Variants in RIF1 observed in about 807,000 individuals in gnomAD.
RIF1 encodes replication timing regulatory factor 1.
A neutral mutation model predicts 247.1 loss-of-function variants in RIF1; 45 were observed. The observed-to-expected ratio is 0.18, with a 90% CI of 0.14 to 0.23. The LOEUF (loss-of-function observed/expected upper bound fraction) is 0.23, where lower values mean the gene tolerates loss of function less well. Among genes scored for constraint, RIF1 ranks in the 10% least tolerant of loss-of-function variants. RIF1 has a pLI of 1.00. For missense variants in RIF1, 2,967 were observed against 2,862.5 expected (o/e 1.04, Z -0.83); for synonymous variants, 1,087 against 978.8 (o/e 1.11, Z -2.06).
intron 26 of RIF1, among the ~76,000 whole-genome samples, chr2:151,460,788 G>GC (rs1481070210): frequency 7.2e-5 from 11 of 152,242 alleles, no homozygotes; most frequent in African/African-American, 2.6e-4. Context: ...TTTTGTATTG[G>GC]CGACTTTCAC....
chr2:151,429,674 G>A (rs180915807), intron 9 of RIF1, among the ~76,000 whole-genome samples: 9 of 152,268 alleles, frequency 5.9e-5, no homozygotes, highest in Admixed American at 2.0e-4. Context: ...ATCAGTGATC[G>A]ATGACCTTAC....
At chr2:151,527,684 A>C in the RIF1 span, 52 of 795,598 alleles carry the variant, frequency 6.5e-5, no homozygotes, top group Middle Eastern at 2.9e-4. Context: ...AAAACATCTC[A>C]AATCATGATT....
At chr2:151,448,682 G>A (rs1480928893) in intron 20 of RIF1, among the ~76,000 whole-genome samples, 1 of 152,070 alleles carries the variant, frequency 6.6e-6, no homozygotes, top group Non-Finnish European at 1.5e-5. Flanking sequence ...TTGTTGTATA[G>A]CATCTTATTT....
the RIF1 span, chr2:151,529,228 G>A: frequency 6.2e-7 from 1 of 1,612,036 alleles, no homozygotes; most frequent in African/African-American, 1.3e-5. Context: ...TGACTTTGTA[G>A]GCGTCCTTGG....
rs1039759571 is a variant in RIF1 at position 151,494,159 on chromosome 2, A to T, written c.*416-1070A>T. On this transcript the variant is annotated intron_variant and NMD_transcript_variant, in intron 9 of 13. Coordinates refer to the RIF1 transcript ENST00000454583. Reference sequence around the variant, plus strand: ...AAGCACTTTTGTTTCTCAAGACAATACCGAGCTAATGTTTTCTTGATTGCG... The same window carrying T: ...AAGCACTTTTGTTTCTCAAGACAATTCCGAGCTAATGTTTTCTTGATTGCG... 4.4e-6 allele frequency: 7 copies of T among 1,601,598 alleles called. No homozygotes were observed. Among genetic ancestry groups the T allele is most frequent in the Non-Finnish European group, 6.0e-6 (7 of 1,172,800 alleles).
At position 151,437,346 on chromosome 2, in the gene RIF1, C is replaced by A. The variant is rs781485606; in HGVS notation, c.1478C>A (p.Ala493Asp). Residue 493 changes from alanine (A) to aspartate (D), a missense_variant, in exon 13 of 36, where the codon GCC becomes GAC. Coordinates refer to ENST00000444746, the MANE Select transcript of RIF1 (RefSeq NM_018151.5). ...HDSFVAVGKD[A>D]PDVVVSAIWK... The stretch of plus-strand genomic sequence containing the variant: ...AGCTTTGTTGCAGTTGGAAAAGATG[C>A]CCCCGGTAAGAGAATTTGATTTATT... The A allele has an allele frequency of 1.9e-6, 3 of 1,604,068 alleles. No individual in the cohort carries two copies. The highest frequency in any genetic ancestry group is 2.6e-6 in the Non-Finnish European group (3 of 1,171,392).
rs1299333365 is a variant in RIF1, at chr2:151,414,905, C to G, written c.266C>G (p.Thr89Ser). 1.2e-6 allele frequency: 2 copies of G among 1,603,298 alleles called. No individual in the cohort carries two copies. Among genetic ancestry groups the G allele is most frequent in the African/African-American group, 2.7e-5 (2 of 74,644 alleles). ...TTTTGCTTATATAATCCCAAAATTACCTCAGAATTATCAGGTAGATAAATT... is the reference window on the plus strand; with the variant it reads ...TTTTGCTTATATAATCCCAAAATTAGCTCAGAATTATCAGGTAGATAAATT... ...LGFCLYNPKI[T>S]SELSEANALE... Residue 89 changes from threonine to serine, a missense_variant, in exon 4 of 36, where the codon ACC becomes AGC. Physicochemically the swap from Thr to Ser is moderately conservative, Grantham distance 58. Around this residue, in one of 7 missense-constraint regions of RIF1, gnomAD observed 269 missense variants for 288.6 expected, o/e 0.93. Coordinates refer to ENST00000444746, the MANE Select transcript of RIF1 (RefSeq NM_018151.5).
intron 6 of RIF1, among the ~76,000 whole-genome samples, chr2:151,418,970 T>C (rs1687693236): frequency 2.6e-4 from 1 of 3,902 alleles, no homozygotes; most frequent in Non-Finnish European, 0.083. Flanking sequence ...CTTAAATTCT[T>C]TTTTTTTTTT....
chr2:151,418,885 A>C (rs1238296878), intron 6 of RIF1, among the ~76,000 whole-genome samples: 2 of 152,016 alleles, frequency 1.3e-5, no homozygotes, highest in African/African-American at 2.4e-5. Flanking sequence ...AAAAAAAAAA[A>C]GAATACTTAG....
intron 9 of RIF1, among the ~76,000 whole-genome samples, chr2:151,432,302 G>A (rs1451230206): frequency 2.0e-5 from 3 of 152,070 alleles, no homozygotes; most frequent in African/African-American, 7.2e-5. Flanking sequence ...GAACCACCAC[G>A]CCCAGCCCTT....
chr2:151,519,624 T>C, the RIF1 span: 7 of 1,461,854 alleles, frequency 4.8e-6, no homozygotes, highest in Non-Finnish European at 6.7e-6. Context: ...GCAAATACCA[T>C]GTTATATATT....
intron 9 of RIF1, chr2:151,493,025 T>C (rs1459749955): frequency 7.6e-6 from 2 of 262,482 alleles, no homozygotes; most frequent in African/African-American, 2.3e-5. Context: ...GAGCAGAAGA[T>C]TGAGGATGTT....
At chr2:151,515,506 C>CT in the RIF1 span, among the ~76,000 whole-genome samples, 5 of 152,256 alleles carry the variant, frequency 3.3e-5, no homozygotes, top group Admixed American at 3.3e-4. Context: ...TGCCACCACA[C>CT]TGAGTTTTGA....
At chr2:151,474,095 T>G (rs1301819506) in intron 35 of RIF1, 23 bp downstream of exon 35, 1 of 1,081,736 alleles carries the variant, frequency 9.2e-7, no homozygotes, top group Non-Finnish European at 1.4e-6. Flanking sequence ...AAAAGTGGGA[T>G]AATTTTATTT....
At chr2:151,530,842 C>G in the RIF1 span, 2 of 585,634 alleles carry the variant, frequency 3.4e-6, no homozygotes, top group South Asian at 4.8e-5. Context: ...AGTCAACTTA[C>G]CGAATCATGA....
At position 151,461,272 on chromosome 2, in the gene RIF1, A is replaced by T; in HGVS notation, c.3210A>T (p.Glu1070Asp). The T allele has an allele frequency of 6.2e-7, 1 of 1,612,830 alleles. No homozygotes were observed. Among genetic ancestry groups the T allele is most frequent in the Admixed American group, 1.7e-5 (1 of 59,820 alleles). ...GAATATTAACTGATCATCAAAAAGAAGTTCTCAAAACAAAGCGGTTTGTAG... is the reference window on the plus strand; with the variant it reads ...GAATATTAACTGATCATCAAAAAGATGTTCTCAAAACAAAGCGGTTTGTAG... Reference protein sequence around the residue: ...KERILTDHQKEVLKTKRCDIP... With the variant: ...KERILTDHQKDVLKTKRCDIP... The change falls in exon 27 of 36, where the codon GAA (glutamate) becomes GAT (aspartate). Residue 1070 changes from glutamate to aspartate, a missense_variant. Glu to Asp is a conservative substitution (Grantham distance 45, BLOSUM62 2). This residue lies in a region of RIF1 where 2,028 missense variants were observed against 1,825.6 expected (regional missense o/e 1.11). Transcript: ENST00000444746.
chr2:151,470,146 G>A (rs1697572728), intron 34 of RIF1, among the ~76,000 whole-genome samples: 1 of 151,986 alleles, frequency 6.6e-6, no homozygotes, highest in African/African-American at 2.4e-5. Context: ...AAACCATACA[G>A]ATTTGTAGGT....
chr2:151,516,012 A>G, the RIF1 span, among the ~76,000 whole-genome samples: 3 of 152,206 alleles, frequency 2.0e-5, no homozygotes, highest in South Asian at 6.2e-4. Context: ...ATTCTAAAAT[A>G]ACGAATATGG....
chr2:151,483,001 G>A (rs2049229909), downstream of RIF1, among the ~76,000 whole-genome samples: 1 of 150,830 alleles, frequency 6.6e-6, no homozygotes, highest in South Asian at 2.1e-4. Context: ...TATAAGGATA[G>A]CAAGGCCATT....
Sources: gnomAD v4.1 joint callset for allele counts (sites outside exome capture counted in the v4.1 genomes callset) on GRCh38, gnomAD v4.1.1 for gene constraint, gnomAD v4.1.1 regional missense constraint, MANE v1.5 for transcripts, NCBI Gene and HGNC (gene_info 2026-07-23, HGNC 2026-07-21) for gene names.